The following GLIS3 variants were observed in gnomAD, a reference collection of about 807,000 sequenced individuals.
GLIS3 encodes the protein GLIS family zinc finger 3.
Under a neutral mutation model 78.6 loss-of-function variants are expected in GLIS3, and 53 were observed. That is an observed-to-expected ratio of 0.67 (90% CI 0.54 to 0.85). The LOEUF is 0.85. GLIS3 is among the 40% of genes least tolerant of loss of function. GLIS3 has a pLI of 0.00. For missense variants in GLIS3, 1,703 were observed against 1,231.1 expected, an observed-to-expected ratio of 1.38 and a Z score of -5.74; for synonymous variants, 684 against 509.9, an observed-to-expected ratio of 1.34 and a Z score of -4.60.
At chr9:4,323,106 G>C (rs1181912224) in intron 2 of GLIS3, among the ~76,000 whole-genome samples, 1 of 152,084 alleles carries the variant, frequency 6.6e-6, no homozygotes, top group East Asian at 1.9e-4. Flanking sequence ...TGTAAGGAAG[G>C]GATCCAGTTT....
At chr9:4,016,897 G>A (rs935224473) in intron 4 of GLIS3, among the ~76,000 whole-genome samples, 1 of 152,108 alleles carries the variant, frequency 6.6e-6, no homozygotes, top group African/African-American at 2.4e-5. Context: ...ACGGCACAAG[G>A]AACTGCTGAG....
intron 6 of GLIS3, among the ~76,000 whole-genome samples, chr9:3,906,159 A>C (rs1823685021): frequency 1.3e-5 from 2 of 152,244 alleles, no homozygotes; most frequent in Admixed American, 1.3e-4. Context: ...GAGGCCTTCA[A>C]GCACATGAAG....
intron 2 of GLIS3, among the ~76,000 whole-genome samples, chr9:4,194,722 G>A (rs1302268100): frequency 3.3e-5 from 5 of 152,206 alleles, no homozygotes; most frequent in Non-Finnish European, 4.4e-5. Flanking sequence ...GTACCTGAGA[G>A]AGGGAGGGAG....
intron 6 of GLIS3, among the ~76,000 whole-genome samples, chr9:3,915,138 G>A (rs1036168471): frequency 2.0e-5 from 3 of 152,162 alleles, no homozygotes; most frequent in African/African-American, 7.2e-5. Context: ...ACAGGGACTA[G>A]ACTCTCCTAG....
intron 2 of GLIS3, among the ~76,000 whole-genome samples, chr9:4,321,144 G>C (rs950602195): frequency 1.6e-4 from 24 of 151,418 alleles, no homozygotes; most frequent in Non-Finnish European, 2.9e-5. Context: ...CTCAAGGCCG[G>C]GCGCGGTGGC....
the GLIS3 span, among the ~76,000 whole-genome samples, chr9:4,383,773 A>G: frequency 2.0e-5 from 3 of 152,262 alleles, no homozygotes; most frequent in Non-Finnish European, 2.9e-5. Context: ...TGGGATAATC[A>G]GCCTCTTTGT....
intron 1 of GLIS3, among the ~76,000 whole-genome samples, chr9:4,296,694 A>G (rs1363744358): frequency 6.6e-6 from 1 of 152,174 alleles, no homozygotes; most frequent in East Asian, 1.9e-4. Context: ...ATACTCAAGG[A>G]TTACTGAGTC....
intron 2 of GLIS3, among the ~76,000 whole-genome samples, chr9:4,228,198 CAA>C (rs59507597): frequency 0.26 from 27,970 of 107,066 alleles, 3,101 homozygotes; most frequent in Middle Eastern, 0.41. Flanking sequence ...TCTAAGGTGG[CAA>C]AAAAAAAAAA....
intron 2 of GLIS3, among the ~76,000 whole-genome samples, chr9:4,130,081 T>G (rs1306828843): frequency 6.6e-6 from 1 of 152,178 alleles, no homozygotes; most frequent in African/African-American, 2.4e-5. Context: ...GAAAGTGATT[T>G]AGTGTATCTG....
chr9:4,020,358 G>C (rs1290674612), intron 4 of GLIS3, among the ~76,000 whole-genome samples: 1 of 152,142 alleles, frequency 6.6e-6, no homozygotes. Flanking sequence ...AGGCTTGGGT[G>C]CTGTGAGCAC....
At chr9:4,063,848 G>A (rs1331989628) in intron 4 of GLIS3, among the ~76,000 whole-genome samples, 1 of 152,046 alleles carries the variant, frequency 6.6e-6, no homozygotes, top group Non-Finnish European at 1.5e-5. Context: ...AGGTATAATG[G>A]GATCTCATCT....
At chr9:4,092,855 T>C (rs1459743128) in intron 4 of GLIS3, among the ~76,000 whole-genome samples, 1 of 152,258 alleles carries the variant, frequency 6.6e-6, no homozygotes, top group Admixed American at 6.5e-5. Flanking sequence ...ATTTTTATTA[T>C]CAAGTATTAT....
intron 4 of GLIS3, among the ~76,000 whole-genome samples, chr9:3,957,236 C>T (rs1021629836): frequency 6.6e-6 from 1 of 152,192 alleles, no homozygotes; most frequent in African/African-American, 2.4e-5. Context: ...GAGTGTTTTA[C>T]GCTGCCTACG....
At chr9:4,290,842 G>A (rs1471322884) in intron 1 of GLIS3, among the ~76,000 whole-genome samples, 1 of 152,124 alleles carries the variant, frequency 6.6e-6, no homozygotes, top group African/African-American at 2.4e-5. Flanking sequence ...ACATGTGCCT[G>A]TGAAACTGGA....
At chr9:4,244,926 A>G (rs1157846467) in intron 2 of GLIS3, among the ~76,000 whole-genome samples, 1 of 152,194 alleles carries the variant, frequency 6.6e-6, no homozygotes, top group Non-Finnish European at 1.5e-5. Context: ...GTGGTTTACA[A>G]ATATTTTTAA....
intron 8 of GLIS3, among the ~76,000 whole-genome samples, chr9:3,863,818 C>T (rs1161296082): frequency 2.0e-5 from 3 of 151,868 alleles, no homozygotes; most frequent in African/African-American, 7.3e-5. Context: ...ATGCCCAAGG[C>T]AGAGAAGTGT....
At chr9:4,400,464 AG>A in the GLIS3 span, among the ~76,000 whole-genome samples, 1 of 152,228 alleles carries the variant, frequency 6.6e-6, no homozygotes, top group African/African-American at 2.4e-5. Flanking sequence ...GTTATGTGAC[AG>A]CCAGCTATAA....
chr9:4,272,556 G>T (rs551844743), intron 2 of GLIS3, among the ~76,000 whole-genome samples: 1 of 152,204 alleles, frequency 6.6e-6, no homozygotes, highest in East Asian at 1.9e-4. Context: ...ACCTCATAGG[G>T]TTATAGGGGA....
chr9:4,445,978 T>A, the GLIS3 span, among the ~76,000 whole-genome samples: 1 of 152,232 alleles, frequency 6.6e-6, no homozygotes, highest in Non-Finnish European at 1.5e-5. Context: ...TTGTTTTCCC[T>A]AGAAATACCA....
Sources: gnomAD v4.1 joint callset for allele counts (sites outside exome capture counted in the v4.1 genomes callset) on GRCh38, gnomAD v4.1.1 for gene constraint, MANE v1.5 for transcripts, NCBI Gene and HGNC (gene_info 2026-07-23, HGNC 2026-07-21) for gene names.